CALY: variants seen among roughly 807,000 people sequenced by gnomAD.
CALY encodes calcyon neuron specific vesicular protein.
In CALY, 15 loss-of-function variants were observed where a neutral mutation model predicts 20.2. That is an observed-to-expected ratio of 0.74 (90% CI 0.50 to 1.14). The LOEUF (loss-of-function observed/expected upper bound fraction) is 1.14, where lower values mean the gene tolerates loss of function less well. Ranked by LOEUF, CALY falls within the 50% of genes most tolerant of loss-of-function variation. The pLI is 0.00. For missense variants in CALY, 270 were observed against 304.4 expected (o/e 0.89, Z 0.84); for synonymous variants, 129 against 131.8 (o/e 0.98, Z 0.15).
intron 3 of CALY, chr10:133,327,308 G>C (rs1339467192): frequency 1.4e-5 from 7 of 501,306 alleles, no homozygotes; most frequent in Non-Finnish European, 2.5e-5. Flanking sequence ...GCTCCCAGGG[G>C]ATGGGGCCGC....
intron 1 of CALY, among the ~76,000 whole-genome samples, chr10:133,336,442 G>A (rs1163511326): frequency 9.0e-6 from 1 of 111,146 alleles, no homozygotes; most frequent in Non-Finnish European, 1.8e-5. Flanking sequence ...TCCCCACCCC[G>A]CCTCCGGCGG....
At chr10:133,335,816 G>T (rs1313609396) in intron 1 of CALY, among the ~76,000 whole-genome samples, 3 of 152,186 alleles carry the variant, frequency 2.0e-5, no homozygotes, top group Non-Finnish European at 2.9e-5. Flanking sequence ...TGGCAGGGAG[G>T]CAGTGCCCGG....
chr10:133,336,549 C>A (rs1024462653), intron 1 of CALY, among the ~76,000 whole-genome samples: 1 of 152,116 alleles, frequency 6.6e-6, no homozygotes, highest in South Asian at 2.1e-4. Context: ...CCCGCCGTCA[C>A]GGGAAGCCTG....
intron 1 of CALY, among the ~76,000 whole-genome samples, chr10:133,334,733 G>T (rs1848401078): frequency 6.6e-6 from 1 of 152,008 alleles, no homozygotes; most frequent in South Asian, 2.1e-4. Context: ...GCTGGGTAGG[G>T]GATGGGGGAG....
chr10:133,328,626 T>A (rs1848252961), intron 2 of CALY, among the ~76,000 whole-genome samples: 1 of 152,162 alleles, frequency 6.6e-6, no homozygotes, highest in South Asian at 2.1e-4. Flanking sequence ...AGTCAGTGCG[T>A]GAATTCTCGG....
intron 1 of CALY, among the ~76,000 whole-genome samples, chr10:133,333,179 CT>C (rs1440497686): frequency 6.6e-6 from 1 of 150,894 alleles, no homozygotes; most frequent in Admixed American, 6.7e-5. Context: ...GCTGCTGCCA[CT>C]CAAGTACAGA....
In CALY at chr10:133,324,164, C is replaced by T. The variant is rs572831222; in HGVS notation, c.*1431G>A. ...AGCTGACGCCCCAGGCCCCGGGCCC[C>T]CCTCCCTTGCAGGCCATCAGGGCCA... On this transcript the variant is annotated 3_prime_UTR_variant, in exon 6 of 6. Transcript: ENST00000252939. 1 of 332,146 alleles carries T rather than the reference C, an allele frequency of 3.0e-6. No homozygotes were observed. Among genetic ancestry groups the T allele is most frequent in the East Asian group, 8.7e-5 (1 of 11,438 alleles). 20.6% of individuals were successfully genotyped at this position (332,146 alleles called of 1,614,324 possible). A position where few individuals can be genotyped will look rare whatever the true frequency, so the allele number is the denominator to read the frequency against.
At chr10:133,326,157 G>GCCCT (rs1433263018) in intron 4 of CALY, 37 bp from the exon 5 acceptor site, 1 of 1,584,540 alleles carries the variant, frequency 6.3e-7, no homozygotes, top group East Asian at 2.3e-5. Context: ...GTGGGGCTGA[G>GCCCT]CCCTCCTGTG....
intron 1 of CALY, among the ~76,000 whole-genome samples, chr10:133,333,646 T>A (rs1232334752): frequency 2.2e-5 from 2 of 92,976 alleles, no homozygotes; most frequent in African/African-American, 8.4e-5. Flanking sequence ...GATCTGAGAG[T>A]GGAAGGCTCT....
intron 4 of CALY, chr10:133,326,382 T>C: frequency 1.1e-6 from 1 of 936,112 alleles, no homozygotes; most frequent in Non-Finnish European, 1.7e-6. Flanking sequence ...GCAAGGACTC[T>C]GCGGAGCGCG....
intron 1 of CALY, among the ~76,000 whole-genome samples, chr10:133,329,519 T>C (rs1284741264): frequency 6.6e-6 from 1 of 151,916 alleles, no homozygotes; most frequent in Non-Finnish European, 1.5e-5. Flanking sequence ...CCCGAGTACC[T>C]GGGACCACAG....
intron 1 of CALY, among the ~76,000 whole-genome samples, chr10:133,329,875 C>G (rs1848274842): frequency 6.6e-6 from 1 of 152,254 alleles, no homozygotes; most frequent in African/African-American, 2.4e-5. Context: ...TCTGGCGGCT[C>G]TCTGCCAGAG....
Position 133,328,872 on chromosome 10 carries a change from G to A in CALY, c.118C>T (p.Pro40Ser). The A allele has an allele frequency of 6.5e-7, 1 of 1,544,514 alleles. No individual in the cohort carries two copies. Residue 40 changes from proline (P) to serine (S), a missense_variant, in exon 2 of 6, where the codon CCG (proline) becomes TCG (serine). By Grantham distance (74) the Pro-to-Ser change is moderately conservative. Transcript: ENST00000252939. ...GCCCTCACCTGGTCAGGGAGTGGCGGCTGGAGCTGGCTGATGTCCAAGGGG... is the reference window on the plus strand; with the variant it reads ...GCCCTCACCTGGTCAGGGAGTGGCGACTGGAGCTGGCTGATGTCCAAGGGG... ...ISPLDISQLQ[P>S]PLPDQVVIKT...
intron 4 of CALY, 141 bp from the exon 5 acceptor site, chr10:133,326,261 C>A: frequency 6.4e-7 from 1 of 1,550,542 alleles, no homozygotes; most frequent in Non-Finnish European, 8.7e-7. Context: ...AGATCAGCCT[C>A]CAGTTCAGAA....
intron 1 of CALY, among the ~76,000 whole-genome samples, chr10:133,329,392 C>CTTCTTCTTCTTTTTTTTTTTTTT (rs549430070): frequency 5.8e-4 from 80 of 137,442 alleles, no homozygotes; most frequent in African/African-American, 2.3e-3. Flanking sequence ...TCTTCTTCTT[C>CTTCTTCTTCTTTTTTTTTTTTTT]TTTTTTTTTT....
At chr10:133,328,765 G>C in intron 2 of CALY, 90 bp downstream of exon 2, 1 of 1,337,750 alleles carries the variant, frequency 7.5e-7, no homozygotes, top group South Asian at 1.5e-5. Context: ...CTGCACCTGG[G>C]AAGAGGCCAT....
intron 1 of CALY, among the ~76,000 whole-genome samples, chr10:133,335,975 C>T (rs2133387498): frequency 6.6e-6 from 1 of 152,252 alleles, no homozygotes; most frequent in South Asian, 2.1e-4. Flanking sequence ...GGCTGGAGGT[C>T]ACGTCACAGA....
chr10:133,333,471 G>A (rs1848355122), intron 1 of CALY, among the ~76,000 whole-genome samples: 1 of 143,750 alleles, frequency 7.0e-6, no homozygotes, highest in Admixed American at 7.1e-5. Context: ...AAGGGGTAAG[G>A]ATATGACGCG....
intron 4 of CALY, 28 bp from the exon 5 acceptor site, chr10:133,326,148 T>C: frequency 6.3e-7 from 1 of 1,589,356 alleles, no homozygotes; most frequent in Admixed American, 1.7e-5. Context: ...TCAGGGTCGG[T>C]GGGGCTGAGC....
Sources: allele counts gnomAD v4.1 joint callset (sites outside exome capture counted in the v4.1 genomes callset), GRCh38; gene constraint gnomAD v4.1.1; transcripts MANE v1.5; gene names NCBI Gene and HGNC (gene_info 2026-07-23, HGNC 2026-07-21).